Variants in LCP2 observed in about 807,000 individuals in gnomAD.
LCP2 encodes 76 kDa tyrosine phosphoprotein.
LCP2 carries 29 observed loss-of-function variants against 74.5 expected under a neutral mutation model. The ratio of observed to expected loss-of-function variants is 0.39; its 90% CI spans 0.29 to 0.53. The LOEUF is 0.53. Ranked by LOEUF, LCP2 falls within the 20% of genes least tolerant of loss-of-function variation. LCP2 has a pLI of 0.72. For synonymous variants in LCP2, 228 were observed against 229.5 expected (o/e 0.99, Z 0.06); for missense variants, 604 against 634.6 (o/e 0.95, Z 0.52).
chr5:170,252,008 G>T, intron 19 of LCP2: 1 of 198,450 alleles, frequency 5.0e-6, no homozygotes, highest in South Asian at 8.5e-5. Context: ...GAAACGTCTA[G>T]GGCAAAAAGC....
intron 3 of LCP2, among the ~76,000 whole-genome samples, chr5:170,287,309 G>C (rs1561977481): frequency 6.6e-6 from 1 of 152,088 alleles, no homozygotes; most frequent in African/African-American, 2.4e-5. Context: ...CAAAACAACG[G>C]GGCTTTGTGT....
chr5:170,263,423 A>T (rs1761697871), intron 10 of LCP2, among the ~76,000 whole-genome samples: 1 of 152,320 alleles, frequency 6.6e-6, no homozygotes, highest in African/African-American at 2.4e-5. Flanking sequence ...GGTAACTTTT[A>T]TCCAATTCTG....
At chr5:170,295,127 C>G (rs578078208) in intron 1 of LCP2, among the ~76,000 whole-genome samples, 2 of 152,340 alleles carry the variant, frequency 1.3e-5, no homozygotes, top group African/African-American at 4.8e-5. Flanking sequence ...TTAGGACACA[C>G]AGCTCTGAGC....
In LCP2 at chr5:170,248,803, G is replaced by T; in HGVS notation, c.1496C>A (p.Ser499Ter). Reference protein sequence around the residue: ...LRGKEDFLSVSDIIDYFRKMP... With the variant: ...LRGKEDFLSV ...TTTCCTGAAGTAGTCAATAATATCT[G>T]ACACAGACAGAAAGTCCTGAAAGAG... Residue 499 changes from serine to a stop codon, truncating the protein, a stop_gained, in exon 21 of 21, where the codon TCA (serine) becomes TAA (stop). Transcript: ENST00000046794. LOFTEE classifies it low-confidence loss of function (END_TRUNC). 1.2e-6 allele frequency: 2 copies of T among 1,612,362 alleles called. No individual in the cohort carries two copies. Among genetic ancestry groups the T allele is most frequent in the South Asian group, 1.1e-5 (1 of 90,866 alleles).
At chr5:170,266,678 G>T in intron 10 of LCP2, 130 bp downstream of exon 10, 1 of 794,302 alleles carries the variant, frequency 1.3e-6, no homozygotes, top group Non-Finnish European at 2.2e-6. Context: ...AAATGAGGAT[G>T]ATTCTACTAG....
At chr5:170,293,010 C>A (rs552538473) in intron 2 of LCP2, among the ~76,000 whole-genome samples, 63 of 152,336 alleles carry the variant, frequency 4.1e-4, no homozygotes, top group African/African-American at 1.4e-3. Flanking sequence ...CTTCTGTTCA[C>A]CCATATGGTC....
At chr5:170,295,693 C>T (rs148041311) in intron 1 of LCP2, among the ~76,000 whole-genome samples, 4 of 152,292 alleles carry the variant, frequency 2.6e-5, no homozygotes, top group South Asian at 2.1e-4. Flanking sequence ...GCGGTCCATT[C>T]GTTTGGTAGT....
At chr5:170,290,712 G>A (rs754368016) in intron 2 of LCP2, among the ~76,000 whole-genome samples, 26 of 152,220 alleles carry the variant, frequency 1.7e-4, no homozygotes, top group Non-Finnish European at 3.2e-4. Context: ...CCTGGCACCC[G>A]CCTATACATT....
intron 20 of LCP2, 123 bp from the exon 21 acceptor site, chr5:170,248,942 A>T: frequency 1.1e-6 from 1 of 921,882 alleles, no homozygotes; most frequent in South Asian, 1.5e-5. Context: ...TGGGGGGAAA[A>T]AATGTAAATG....
intron 3 of LCP2, among the ~76,000 whole-genome samples, chr5:170,280,333 C>G (rs1444219407): frequency 1.3e-5 from 2 of 152,060 alleles, no homozygotes; most frequent in Non-Finnish European, 2.9e-5. Context: ...CTCCTCCCCA[C>G]CCCTCCTCCC....
chr5:170,278,694 A>AACCTCCTGCTCTCTGCGGTGTT (rs1762052756), intron 3 of LCP2, among the ~76,000 whole-genome samples: 1 of 152,072 alleles, frequency 6.6e-6, no homozygotes, highest in Non-Finnish European at 1.5e-5. Context: ...ATCTTGAAAG[A>AACCTCCTGCTCTCTGCGGTGTT]ACCTCCTGCT....
rs2076658525 is a variant in LCP2 at position 170,247,631 on chromosome 5, G to T, written c.*1066C>A. The stretch of plus-strand genomic sequence containing the variant: ...CTATATTTTTTGTTAAGTGATATTT[G>T]TAAACTGGAGGAAAGAGTTTAATTA... On this transcript the variant is annotated 3_prime_UTR_variant, in exon 21 of 21. Coordinates refer to ENST00000046794, the MANE Select transcript of LCP2 (RefSeq NM_005565.5). 6.6e-6 allele frequency: 1 copy of T among 152,212 alleles called. No individual in the cohort carries two copies. The highest frequency in any genetic ancestry group is 1.5e-5 in the Non-Finnish European group (1 of 68,048). 9.4% of individuals were successfully genotyped at this position (152,212 alleles called of 1,614,324 possible). A position where few individuals can be genotyped will look rare whatever the true frequency, so the allele number is the denominator to read the frequency against.
intron 10 of LCP2, among the ~76,000 whole-genome samples, chr5:170,265,810 G>C (rs2113172066): frequency 6.6e-6 from 1 of 152,298 alleles, no homozygotes; most frequent in East Asian, 1.9e-4. Flanking sequence ...CCAAGAAAGG[G>C]GTGGGGGCAG....
In LCP2 at chr5:170,270,703, G is replaced by T; in HGVS notation, c.523+16C>A. The T allele has an allele frequency of 6.5e-7, 1 of 1,541,598 alleles. No individual in the cohort carries two copies. Among genetic ancestry groups the T allele is most frequent in the Non-Finnish European group, 8.7e-7 (1 of 1,148,566 alleles). Reference sequence around the variant, plus strand: ...TTGGGCTGCTCGGGCCAGAAAATCCGGAAACGGGCCCTTACCGATGTACAT... The same window carrying T: ...TTGGGCTGCTCGGGCCAGAAAATCCTGAAACGGGCCCTTACCGATGTACAT... On this transcript the variant is annotated intron_variant, in intron 7 of 20. Transcript: ENST00000046794.
intron 3 of LCP2, among the ~76,000 whole-genome samples, chr5:170,279,620 AC>A (rs1762067208): frequency 1.3e-5 from 2 of 152,240 alleles, no homozygotes; most frequent in Non-Finnish European, 2.9e-5. Flanking sequence ...AGGCTCAGTG[AC>A]ATCAACCGGC....
At chr5:170,276,125 C>G (rs1387822068) in intron 3 of LCP2, among the ~76,000 whole-genome samples, 1 of 152,180 alleles carries the variant, frequency 6.6e-6, no homozygotes, top group Non-Finnish European at 1.5e-5. Flanking sequence ...CTTCCAAGTC[C>G]AGCTCAGAGC....
chr5:170,296,454 C>A (rs755617095), intron 1 of LCP2, among the ~76,000 whole-genome samples: 1 of 152,186 alleles, frequency 6.6e-6, no homozygotes, highest in African/African-American at 2.4e-5. Flanking sequence ...TCCTAGGGAA[C>A]CTCGTCTACC....
At chr5:170,271,074 G>C (rs774393428) in intron 6 of LCP2, among the ~76,000 whole-genome samples, 157 bp from the exon 7 acceptor site, 2 of 152,140 alleles carry the variant, frequency 1.3e-5, no homozygotes, top group Non-Finnish European at 2.9e-5. Flanking sequence ...AGGAATCTGA[G>C]GTCAGGGAGC....
chr5:170,287,307 C>T (rs979911666), intron 3 of LCP2, among the ~76,000 whole-genome samples: 1 of 152,176 alleles, frequency 6.6e-6, no homozygotes, highest in African/African-American at 2.4e-5. Flanking sequence ...AACAAAACAA[C>T]GGGGCTTTGT....
Sources: gnomAD v4.1 joint callset for allele counts (sites outside exome capture counted in the v4.1 genomes callset) on GRCh38, gnomAD v4.1.1 for gene constraint, MANE v1.5 for transcripts, NCBI Gene and HGNC (gene_info 2026-07-23, HGNC 2026-07-21) for gene names.